OPA1: variants seen among roughly 807,000 people sequenced by gnomAD.
OPA1 encodes the protein dynamin-like GTPase OPA1, mitochondrial.
In OPA1, 59 loss-of-function variants were observed where a neutral mutation model predicts 152.9. The ratio of observed to expected loss-of-function variants is 0.39; its 90% confidence interval spans 0.31 to 0.48. The LOEUF (loss-of-function observed/expected upper bound fraction) is 0.48. Among genes scored for constraint, OPA1 ranks in the 20% least tolerant of loss-of-function variants. OPA1 has a pLI of 0.96. For synonymous variants in OPA1, 400 were observed against 389.9 expected (o/e 1.03, Z -0.31); for missense variants, 1,008 against 1,216.8 (o/e 0.83, Z 2.55).
chr3:193,594,868 C>A (rs1390748991), intron 1 of OPA1, among the ~76,000 whole-genome samples: 1 of 152,168 alleles, frequency 6.6e-6, no homozygotes, highest in South Asian at 2.1e-4. Context: ...CCTTGCATTT[C>A]TACTTCTCAA....
At chr3:193,622,589 G>A (rs1459436157) in intron 6 of OPA1, among the ~76,000 whole-genome samples, 2 of 151,702 alleles carry the variant, frequency 1.3e-5, no homozygotes, top group African/African-American at 4.8e-5. Context: ...CTTTTTTCCC[G>A]CGTGTTTAGT....
intron 11 of OPA1, 65 bp from the exon 12 acceptor site, chr3:193,642,700 C>A (rs534675659): frequency 1.7e-6 from 2 of 1,207,284 alleles, no homozygotes; most frequent in Admixed American, 1.7e-5. Flanking sequence ...AGACCACATA[C>A]GGGCTGTGGG....
At chr3:193,682,388 T>TA (rs1011416239) in intron 29 of OPA1, among the ~76,000 whole-genome samples, 7 of 152,214 alleles carry the variant, frequency 4.6e-5, no homozygotes, top group African/African-American at 1.7e-4. Context: ...TGCAGCAAGT[T>TA]ATCAAGAATA....
rs1722367749 is a variant in OPA1, at chr3:193,697,690, A to G, written c.*3090A>G. Reference sequence around the variant, plus strand: ...TTTTCTCTGAATGCTTGAATTTCACATGCCTTGCATTTCACAGTTGTACTC... The same window carrying G: ...TTTTCTCTGAATGCTTGAATTTCACGTGCCTTGCATTTCACAGTTGTACTC... On this transcript the variant is annotated 3_prime_UTR_variant, in exon 31 of 31. Coordinates refer to ENST00000361510, the MANE Select transcript of OPA1 (RefSeq NM_130837.3). 1 of 152,202 alleles carries G rather than the reference A, an allele frequency of 6.6e-6. No individual in the cohort carries two copies. The allele number at this position is 152,202 out of a possible 1,614,324, so 9.4% of individuals were successfully genotyped here. A position where few individuals can be genotyped will look rare whatever the true frequency, so the allele number is the denominator to read the frequency against.
At chr3:193,690,057 T>C (rs570933298) in intron 29 of OPA1, among the ~76,000 whole-genome samples, 104 of 150,766 alleles carry the variant, frequency 6.9e-4, no homozygotes, top group Admixed American at 1.3e-3. Flanking sequence ...AGCAACTAGA[T>C]GAATTAATTT....
intron 29 of OPA1, among the ~76,000 whole-genome samples, chr3:193,689,693 G>A (rs116052454): frequency 0.023 from 3,519 of 152,162 alleles, 145 homozygotes; most frequent in African/African-American, 0.082. Flanking sequence ...CTTAAGATGG[G>A]GGTCACCAGT....
At chr3:193,634,482 AT>A (rs1732622475) in intron 8 of OPA1, among the ~76,000 whole-genome samples, 1 of 151,600 alleles carries the variant, frequency 6.6e-6, no homozygotes, top group Non-Finnish European at 1.5e-5. Context: ...CAGTGGTGCA[AT>A]CTTGGCTCGC....
chr3:193,673,843 A>G (rs1371658080), intron 29 of OPA1, among the ~76,000 whole-genome samples: 1 of 152,254 alleles, frequency 6.6e-6, no homozygotes, highest in Non-Finnish European at 1.5e-5. Flanking sequence ...CTACCATTGT[A>G]CAGGCCTATT....
Position 193,614,710 on chromosome 3 carries a change from A to T in OPA1, c.33-13A>T. 6.3e-7 allele frequency: 1 copy of T among 1,598,456 alleles called. No individual in the cohort carries two copies. Among genetic ancestry groups the T allele is most frequent in the South Asian group, 1.1e-5 (1 of 90,724 alleles). On this transcript the variant is annotated splice_polypyrimidine_tract_variant and intron_variant, in intron 1 of 30. Transcript: ENST00000361510. ...CCTCTCTGATCTTTCTTCCATATTC[A>T]TTTTTCTTTCAGTGAGGTCTGCCAG...
chr3:193,617,297 G>A lies in OPA1; in HGVS notation c.556+12G>A, dbSNP rs376125654. The A allele has an allele frequency of 8.7e-6, 13 of 1,492,724 alleles. No homozygotes were observed. In the South Asian group the frequency reaches 1.5e-4, roughly 17 times the overall value. The allele number at this position is 1,492,724 out of a possible 1,614,324, so 92.5% of individuals were successfully genotyped here. A position where few individuals can be genotyped will look rare whatever the true frequency, so the allele number is the denominator to read the frequency against. The stretch of plus-strand genomic sequence containing the variant: ...CTTTTTTACCTCAGGTAAGGAAGAA[G>A]CTGTTTGATCTAATTTAAAAATTTA... On this transcript the variant is annotated intron_variant, in intron 4 of 30. Coordinates refer to ENST00000361510, the MANE Select transcript of OPA1 (RefSeq NM_130837.3).
At chr3:193,684,446 CTTT>C (rs67027119) in intron 29 of OPA1, among the ~76,000 whole-genome samples, 1,713 of 105,870 alleles carry the variant, frequency 0.016, 17 homozygotes, top group African/African-American at 0.056. Context: ...ATGGTACTAC[CTTT>C]TTTTTTTTTT....
chr3:193,680,489 T>TTGAC (rs1332306852), intron 29 of OPA1, among the ~76,000 whole-genome samples: 2 of 152,222 alleles, frequency 1.3e-5, no homozygotes, highest in Non-Finnish European at 2.9e-5. Flanking sequence ...TCTTGTCCCA[T>TTGAC]TGACTGTCCA....
chr3:193,657,105 A>T lies in OPA1; in HGVS notation c.2204A>T (p.Glu735Val), dbSNP rs1216211706. The T allele has an allele frequency of 6.2e-7, 1 of 1,613,692 alleles. No homozygotes were observed. Residue 735 changes from glutamate to valine, a missense_variant, in exon 23 of 31, where the codon GAA becomes GTA. This residue lies in a region of OPA1 where 229 missense variants were observed against 269.0 expected (regional missense o/e 0.85). Coordinates refer to ENST00000361510, the MANE Select transcript of OPA1 (RefSeq NM_130837.3). ...GTTGCTTGGGAGACCCTACAAGAAG[A>T]ATTTTCCCGCTTTATGACAGAACCG... ...VEVAWETLQEEFSRFMTEPKG... is the reference protein window; with the variant it reads ...VEVAWETLQEVFSRFMTEPKG...
chr3:193,595,332 T>G (rs1235103973), intron 1 of OPA1, among the ~76,000 whole-genome samples: 2 of 152,230 alleles, frequency 1.3e-5, no homozygotes, highest in East Asian at 3.8e-4. Flanking sequence ...GTGCAATAAA[T>G]AATTGTGTAA....
intron 3 of OPA1, among the ~76,000 whole-genome samples, chr3:193,616,865 T>C (rs193100183): frequency 2.5e-4 from 38 of 152,366 alleles, no homozygotes; most frequent in African/African-American, 8.9e-4. Flanking sequence ...CGAATCCATT[T>C]GCAAAAAAAG....
intron 21 of OPA1, among the ~76,000 whole-genome samples, chr3:193,651,998 T>C (rs1286275677): frequency 6.6e-6 from 1 of 152,218 alleles, no homozygotes; most frequent in East Asian, 1.9e-4. Context: ...CTATTACCTT[T>C]ATTATATTTT....
chr3:193,630,424 A>C (rs1481221117), intron 7 of OPA1, among the ~76,000 whole-genome samples: 1 of 152,222 alleles, frequency 6.6e-6, no homozygotes, highest in African/African-American at 2.4e-5. Context: ...TATTGAAATA[A>C]AAAATTGGGG....
intron 25 of OPA1, among the ~76,000 whole-genome samples, chr3:193,661,832 C>A (rs1368881055): frequency 1.3e-5 from 2 of 152,110 alleles, no homozygotes; most frequent in African/African-American, 4.8e-5. Flanking sequence ...ATTTCCTTTC[C>A]ATCTCAGACT....
At chr3:193,653,841 G>A (rs971270486) in intron 21 of OPA1, among the ~76,000 whole-genome samples, 2 of 152,094 alleles carry the variant, frequency 1.3e-5, no homozygotes, top group East Asian at 1.9e-4. Context: ...GAAATACAAC[G>A]TAAAACCACA....
Sources: allele counts gnomAD v4.1 joint callset (sites outside exome capture counted in the v4.1 genomes callset), GRCh38; gene constraint gnomAD v4.1.1; regional missense constraint gnomAD v4.1.1; transcripts MANE v1.5; gene names NCBI Gene and HGNC (gene_info 2026-07-23, HGNC 2026-07-21).